PEBP4: variants seen among roughly 807,000 people sequenced by gnomAD.
PEBP4 encodes phosphatidylethanolamine-binding protein 4.
PEBP4 carries 22 observed loss-of-function variants against 23.9 expected under a neutral mutation model. That is an observed-to-expected ratio of 0.92 (90% CI 0.66 to 1.31). The LOEUF (loss-of-function observed/expected upper bound fraction) is 1.31, where lower values mean the gene tolerates loss of function less well. PEBP4 is among the 40% of genes most tolerant of loss of function. PEBP4 has a pLI of 0.00. For synonymous variants in PEBP4, 112 were observed against 99.3 expected, an observed-to-expected ratio of 1.13 and a Z score of -0.76; for missense variants, 324 against 281.7, an observed-to-expected ratio of 1.15 and a Z score of -1.07.
intron 4 of PEBP4, among the ~76,000 whole-genome samples, chr8:22,793,158 G>C (rs1806174567): frequency 6.6e-6 from 1 of 152,170 alleles, no homozygotes; most frequent in Admixed American, 6.5e-5. Context: ...ATGAAAATGA[G>C]TTGTGCTCTA....
chr8:22,797,313 A>G (rs1806282882), intron 4 of PEBP4, among the ~76,000 whole-genome samples: 1 of 151,628 alleles, frequency 6.6e-6, no homozygotes, highest in Non-Finnish European at 1.5e-5. Context: ...GGAATATCTG[A>G]GTGCAAAAAC....
Position 22,935,359 on chromosome 8 carries a change from A to C in PEBP4, c.145-7639T>G, listed in dbSNP as rs897438102. Among the ~76,000 whole-genome samples the C allele has an allele frequency of 2.6e-5, 4 of 152,144 alleles. 1 individual carries two copies. On this transcript the variant is annotated intron_variant, in intron 1 of 1. Coordinates refer to the PEBP4 transcript ENST00000522278. The stretch of plus-strand genomic sequence containing the variant: ...AACATGGAGAAACCATGTCTCTACT[A>C]AAAATACAAAAATTAGCTGGGCATG...
At chr8:22,899,517 G>C (rs1215051916) in intron 3 of PEBP4, among the ~76,000 whole-genome samples, 1 of 152,176 alleles carries the variant, frequency 6.6e-6, no homozygotes, top group African/African-American at 2.4e-5. Context: ...GTTCTGGGAG[G>C]TTCTTTAGGT....
intron 4 of PEBP4, among the ~76,000 whole-genome samples, chr8:22,783,101 G>A (rs1325900418): frequency 6.6e-6 from 1 of 152,224 alleles, no homozygotes; most frequent in Non-Finnish European, 1.5e-5. Flanking sequence ...GGTTTGGGTA[G>A]GGGTACATGG....
chr8:22,759,009 G>A lies in PEBP4; in HGVS notation c.358-31789C>T, dbSNP rs567495045. On this transcript the variant is annotated intron_variant, in intron 4 of 6. Transcript: ENST00000256404. ...GGAGGACCATCTGCAGGGAGGGGGC[G>A]AGGGTGGGAGGAGGGCCATGGGAAA... Among the ~76,000 whole-genome samples the A allele has an allele frequency of 9.2e-5, 14 of 152,008 alleles. No homozygotes were observed. The East Asian group carries it at 2.7e-3, about 29-fold the overall frequency.
At chr8:22,840,369 GTTCTT>G (rs1399160664) in intron 3 of PEBP4, among the ~76,000 whole-genome samples, 7 of 150,606 alleles carry the variant, frequency 4.6e-5, no homozygotes, top group South Asian at 2.1e-4. Context: ...AAAGAACATG[GTTCTT>G]TTCTTTTCTT....
rs115854561 is a variant in PEBP4, at chr8:22,925,705, C to T, written c.131+1879G>A. ...CCCCCAATGACCCTACAGACATCCT[C>T]ATTTCCCACAGTGTGGGAAACACCA... On this transcript the variant is annotated intron_variant, in intron 2 of 6. Coordinates refer to ENST00000256404, the MANE Select transcript of PEBP4 (RefSeq NM_144962.3). 7.9e-3 allele frequency among the ~76,000 whole-genome samples: 1,209 copies of T among 152,258 alleles called. 16 individuals are homozygous for T. The highest frequency in any genetic ancestry group is 0.028 in the African/African-American group (1,155 of 41,554).
chr8:22,728,069 AG>A (rs1330836241), intron 4 of PEBP4, among the ~76,000 whole-genome samples: 1 of 152,158 alleles, frequency 6.6e-6, no homozygotes, highest in African/African-American at 2.4e-5. Context: ...GCCTTAATGA[AG>A]GTGATTAGCG....
intron 3 of PEBP4, among the ~76,000 whole-genome samples, chr8:22,863,058 CCA>C (rs1807815373): frequency 6.6e-6 from 1 of 152,090 alleles, no homozygotes; most frequent in Non-Finnish European, 1.5e-5. Flanking sequence ...CCTCGGCCTC[CCA>C]AAGTGCTGGG....
intron 4 of PEBP4, among the ~76,000 whole-genome samples, chr8:22,753,100 G>A (rs182197381): frequency 1.1e-4 from 17 of 152,330 alleles, no homozygotes; most frequent in Admixed American, 7.8e-4. Flanking sequence ...TTAGTTCAGC[G>A]CACATTGATC....
chr8:22,779,180 G>A (rs1016554494), intron 4 of PEBP4, among the ~76,000 whole-genome samples: 1 of 152,078 alleles, frequency 6.6e-6, no homozygotes, highest in Non-Finnish European at 1.5e-5. Context: ...AGAAGGAAAG[G>A]CCATGGGGAC....
chr8:22,722,471 G>A (rs1804537429), intron 6 of PEBP4, among the ~76,000 whole-genome samples: 1 of 152,254 alleles, frequency 6.6e-6, no homozygotes, highest in East Asian at 1.9e-4. Context: ...TCTCTGGCTG[G>A]AGAGAGCACA....
intron 3 of PEBP4, among the ~76,000 whole-genome samples, chr8:22,912,619 A>G (rs1186581834): frequency 6.6e-6 from 1 of 152,154 alleles, no homozygotes; most frequent in African/African-American, 2.4e-5. Context: ...TCCCCGCTCT[A>G]TCCATCGCCC....
chr8:22,750,856 A>C lies in PEBP4; in HGVS notation c.358-23636T>G, dbSNP rs78635486. On this transcript the variant is annotated intron_variant, in intron 4 of 6. Coordinates refer to ENST00000256404, the MANE Select transcript of PEBP4 (RefSeq NM_144962.3). ...GATGTTATTGTGCCGAGGGGAGAAG[A>C]GTTACATCAAAAGTATCTCAGAGAG... 6.6e-3 allele frequency among the ~76,000 whole-genome samples: 999 copies of C among 152,290 alleles called. 15 individuals carry two copies. Among genetic ancestry groups the C allele is most frequent in the African/African-American group, 0.023 (950 of 41,534 alleles).
chr8:22,784,583 C>G (rs941223669), intron 4 of PEBP4, among the ~76,000 whole-genome samples: 2 of 152,178 alleles, frequency 1.3e-5, no homozygotes, highest in African/African-American at 4.8e-5. Flanking sequence ...TGCTGCGAGC[C>G]GGGAGCCTGA....
intron 4 of PEBP4, 105 bp from the exon 5 acceptor site, chr8:22,727,325 GGAAGGAGGATGGGAGAA>G: frequency 9.2e-7 from 1 of 1,085,490 alleles, no homozygotes; most frequent in South Asian, 1.4e-5. Context: ...GGATGGGAGA[GGAAGGAGGATGGGAGAA>G]GAAGTAGGAT....
At chr8:22,871,812 A>T (rs1808012982) in intron 3 of PEBP4, among the ~76,000 whole-genome samples, 1 of 151,900 alleles carries the variant, frequency 6.6e-6, no homozygotes, top group South Asian at 2.1e-4. Flanking sequence ...TCGGCCTCCC[A>T]AAGGGCTGGA....
intron 4 of PEBP4, among the ~76,000 whole-genome samples, chr8:22,806,716 T>C (rs1806502066): frequency 6.6e-6 from 1 of 152,174 alleles, no homozygotes. Context: ...CTAATTCATT[T>C]GTCACCTCTT....
chr8:22,901,136 G>A (rs1198560852), intron 3 of PEBP4, among the ~76,000 whole-genome samples: 1 of 152,126 alleles, frequency 6.6e-6, no homozygotes, highest in Non-Finnish European at 1.5e-5. Context: ...TCTTATGAAC[G>A]TAAAATAAAA....
Sources: gnomAD v4.1 joint callset for allele counts (sites outside exome capture counted in the v4.1 genomes callset) on GRCh38, gnomAD v4.1.1 for gene constraint, MANE v1.5 for transcripts, NCBI Gene and HGNC (gene_info 2026-07-23, HGNC 2026-07-21) for gene names.